MAP1B: variants seen among roughly 807,000 people sequenced by gnomAD.
MAP1B encodes microtubule associated protein 1B, also known as microtubule-associated protein 1B.
In MAP1B, 12 loss-of-function variants were observed where a neutral mutation model predicts 176.1. That is an observed-to-expected ratio of 0.07 (90% CI 0.04 to 0.11). MAP1B has a LOEUF of 0.11. MAP1B is among the 10% of genes least tolerant of loss of function. The probability of loss-of-function intolerance (pLI) is 1.00; values close to 1 mark genes in which losing one functional copy is unlikely to be tolerated. For missense variants in MAP1B, 2,523 were observed against 2,990.5 expected (o/e 0.84, Z 3.65); for synonymous variants, 1,044 against 1,135.0 (o/e 0.92, Z 1.61).
chr5:72,183,758 A>G lies in MAP1B; in HGVS notation c.302A>G (p.His101Arg). ...SPEVPGQKIL[H>R]HRSDVLETVV... The stretch of plus-strand genomic sequence containing the variant: ...GTGCCTGCAGGACAAAAGATCCTTC[A>G]TCACCGAAGTGACGTTTTAGAAACA... Residue 101 changes from histidine (H) to arginine (R), a missense_variant, in exon 3 of 7, where the codon CAT (histidine) becomes CGT (arginine). Physicochemically the swap from His to Arg is conservative, Grantham distance 29 (BLOSUM62 0). Transcript: ENST00000296755. The G allele has an allele frequency of 6.2e-7, 1 of 1,614,122 alleles. No homozygotes were observed.
intron 3 of MAP1B, 84 bp downstream of exon 3, chr5:72,183,909 G>A: frequency 1.7e-6 from 2 of 1,193,706 alleles, no homozygotes; most frequent in Non-Finnish European, 2.5e-6. Flanking sequence ...TGGGCAAATG[G>A]GGGCAGGAGA....
At chr5:72,115,021 A>C (rs1194013754) in intron 1 of MAP1B, among the ~76,000 whole-genome samples, 1 of 152,224 alleles carries the variant, frequency 6.6e-6, no homozygotes, top group East Asian at 1.9e-4. Flanking sequence ...TGTGAATAAA[A>C]GAGCTGCCTG....
In MAP1B at chr5:72,200,169, C is replaced by A; in HGVS notation, c.6814C>A (p.Pro2272Thr). 2 of 1,614,208 alleles carry A rather than the reference C, an allele frequency of 1.2e-6. No homozygotes were observed. Among genetic ancestry groups the A allele is most frequent in the Non-Finnish European group, 8.5e-7 (1 of 1,180,038 alleles). The change falls in exon 5 of 7, where the codon CCA (proline) becomes ACA (threonine). Residue 2272 changes from proline (P) to threonine (T), a missense_variant. By Grantham distance (38) the Pro-to-Thr change is conservative. Transcript: ENST00000296755. ...GAAGTCTAAGCCCTTGGCAGCTTCA[C>A]CAAAACCAGCGGGCTTGAAAGAATC... ...DGKSKPLAAS[P>T]KPAGLKESSD...
chr5:72,163,930 CTTTTT>C (rs869167918), intron 2 of MAP1B, among the ~76,000 whole-genome samples: 594 of 43,722 alleles, frequency 0.014, 11 homozygotes, highest in African/African-American at 0.032. Context: ...TTTTTTTTTT[CTTTTT>C]TTTTTTTTTT....
intron 2 of MAP1B, among the ~76,000 whole-genome samples, chr5:72,129,101 T>G (rs570526600): frequency 2.0e-5 from 3 of 152,352 alleles, no homozygotes; most frequent in African/African-American, 7.2e-5. Context: ...CTTTAAGATT[T>G]ATCTGGAATA....
At chr5:72,188,484 G>C (rs1403657482) in intron 4 of MAP1B, among the ~76,000 whole-genome samples, 3 of 152,068 alleles carry the variant, frequency 2.0e-5, no homozygotes, top group African/African-American at 4.8e-5. Flanking sequence ...CCAAGTCATT[G>C]GTTTGTCTTT....
rs185640348 is a variant in MAP1B at position 72,200,342 on chromosome 5, C to T, written c.6987C>T (p.Ser2329=). The T allele has an allele frequency of 5.0e-6, 8 of 1,613,438 alleles. No individual in the cohort carries two copies. The Admixed American group carries it at 1.3e-4, about 27-fold the overall frequency. ...ETKNAANASA[S]KSAKTATAGP... is the part of the protein sequence containing the mutation. ...AGAATGCTGCCAATGCCTCTGCATC[C>T]AAGTCGGCCAAGACCGCCACTGCAG... Residue 2329 remains serine (S), a synonymous_variant, in exon 5 of 7, where the codon TCC becomes TCT. Transcript: ENST00000296755.
At chr5:72,185,427 C>T (rs1746873537) in intron 3 of MAP1B, among the ~76,000 whole-genome samples, 1 of 152,084 alleles carries the variant, frequency 6.6e-6, no homozygotes, top group Non-Finnish European at 1.5e-5. Flanking sequence ...AACCCTGTCT[C>T]TACCAAAAAT....
At chr5:72,156,640 TA>T (rs1746233872) in intron 2 of MAP1B, among the ~76,000 whole-genome samples, 1 of 152,204 alleles carries the variant, frequency 6.6e-6, no homozygotes, top group Non-Finnish European at 1.5e-5. Context: ...TTACCCCATT[TA>T]AATCTCAGAG....
intron 2 of MAP1B, among the ~76,000 whole-genome samples, chr5:72,157,565 T>G (rs1422571857): frequency 1.3e-5 from 2 of 152,096 alleles, no homozygotes; most frequent in African/African-American, 4.8e-5. Context: ...GGGGACTGAC[T>G]GGGGAGGACA....
intron 4 of MAP1B, among the ~76,000 whole-genome samples, chr5:72,188,181 C>T (rs1746954032): frequency 6.6e-6 from 1 of 152,202 alleles, no homozygotes; most frequent in Admixed American, 6.5e-5. Context: ...TCTCACTCTG[C>T]CTACTGTCCT....
At chr5:72,122,077 A>G (rs1427574730) in intron 2 of MAP1B, among the ~76,000 whole-genome samples, 3 of 152,196 alleles carry the variant, frequency 2.0e-5, no homozygotes, top group African/African-American at 4.8e-5. Flanking sequence ...GGTATGTTAG[A>G]AGAAAATGAC....
In MAP1B at chr5:72,117,885, G is replaced by A. The variant is rs114553377; in HGVS notation, c.286+2086G>A. On this transcript the variant is annotated intron_variant, in intron 2 of 6. Transcript: ENST00000296755. ...CATGCTCCTGTGTGGGGAGCATGAA[G>A]GTTTCCAACCAGGACTGTAAGGTGA... Among the ~76,000 whole-genome samples, 602 of 152,292 alleles carry A rather than the reference G, an allele frequency of 4.0e-3. 3 individuals are homozygous for A. The highest frequency in any genetic ancestry group is 0.014 in the Middle Eastern group (4 of 294).
chr5:72,196,082 T>C lies in MAP1B; in HGVS notation c.2727T>C (p.Pro909=), dbSNP rs16876072. The C allele has an allele frequency of 9.6e-4, 1,543 of 1,614,114 alleles. 21 individuals are homozygous for C. The African/African-American group carries it at 0.018, about 19-fold the overall frequency. Residue 909 remains proline, a synonymous_variant, in exon 5 of 7, where the codon CCT becomes CCC. Coordinates refer to ENST00000296755, the MANE Select transcript of MAP1B (RefSeq NM_005909.5). This position sits in a 1 kb window ranked among gnomAD's most constrained non-coding sequence, Gnocchi z 5.3. ...TEGEGECEQT[P]EELEPVEKQG... ...GGGAGGGCGAATGTGAACAGACACC[T>C]GAGGAGCTGGAGCCCGTCGAGAAGC...
intron 2 of MAP1B, among the ~76,000 whole-genome samples, chr5:72,145,317 A>G (rs1746025122): frequency 6.6e-6 from 1 of 152,178 alleles, no homozygotes; most frequent in Non-Finnish European, 1.5e-5. Context: ...GAACACAAAG[A>G]AAGAGAATGA....
rs1396531382 is a variant in MAP1B at position 72,207,232 on chromosome 5, G to A, written c.*1993G>A. ...TGAGGCAAACTTCTCCGTGACAACT[G>A]TGCTGTGCTCTGTCACATTACATTT... On this transcript the variant is annotated 3_prime_UTR_variant, in exon 7 of 7. Coordinates refer to ENST00000296755, the MANE Select transcript of MAP1B (RefSeq NM_005909.5). The A allele has an allele frequency of 6.6e-6, 1 of 152,188 alleles. No individual in the cohort carries two copies. Among genetic ancestry groups the A allele is most frequent in the African/African-American group, 2.4e-5 (1 of 41,444 alleles). The allele number at this position is 152,188 out of a possible 1,614,324, so 9.4% of individuals were successfully genotyped here.
chr5:72,187,313 A>G (rs1001915384), intron 4 of MAP1B, among the ~76,000 whole-genome samples: 2 of 152,202 alleles, frequency 1.3e-5, no homozygotes, highest in African/African-American at 2.4e-5. Flanking sequence ...GATCATTCAT[A>G]TTTCTAATGC....
chr5:72,155,789 C>T (rs1408393912), intron 2 of MAP1B, among the ~76,000 whole-genome samples: 10 of 123,246 alleles, frequency 8.1e-5, no homozygotes, highest in South Asian at 2.6e-4. Context: ...TTTTTTGAGA[C>T]GGAGTCTCAC....
rs543087943 is a variant in MAP1B, at chr5:72,186,206, G to A, written c.370-408G>A. 3.9e-5 allele frequency among the ~76,000 whole-genome samples: 6 copies of A among 152,258 alleles called. No homozygotes were observed. In the South Asian group the frequency reaches 1.2e-3, roughly 32 times the overall value. ...TGGACTGTACATGGTGATTCAGCCT[G>A]TGAGATAGTTCCGTCTTCCCTGGTT... On this transcript the variant is annotated intron_variant, in intron 3 of 6. Transcript: ENST00000296755. The surrounding 1 kb of genome is among the most constrained non-coding windows in gnomAD (Gnocchi z 4.3).
Sources: gnomAD v4.1 joint callset for allele counts (sites outside exome capture counted in the v4.1 genomes callset) on GRCh38, gnomAD v4.1.1 for gene constraint, Gnocchi (gnomAD v3.1) non-coding constraint, MANE v1.5 for transcripts, NCBI Gene and HGNC (gene_info 2026-07-23, HGNC 2026-07-21) for gene names.